Variants in PITPNM3 observed in about 807,000 individuals in gnomAD.
The protein encoded by PITPNM3 is membrane-associated phosphatidylinositol transfer protein 3.
Under a neutral mutation model 102.0 loss-of-function variants are expected in PITPNM3, and 26 were observed. The ratio of observed to expected loss-of-function variants is 0.25; its 90% CI spans 0.19 to 0.35. The LOEUF is 0.35. Ranked by LOEUF, PITPNM3 falls within the 10% of genes least tolerant of loss-of-function variation. The pLI is 1.00. For synonymous variants in PITPNM3, 578 were observed against 558.6 expected (o/e 1.03, Z -0.49); for missense variants, 1,083 against 1,346.1 (o/e 0.80, Z 3.06).
chr17:6,507,960 G>C (rs1395171574), intron 3 of PITPNM3, among the ~76,000 whole-genome samples: 1 of 150,536 alleles, frequency 6.6e-6, no homozygotes, highest in Non-Finnish European at 1.5e-5. Flanking sequence ...GCAAGGATGA[G>C]AGCTGGGGTT....
chr17:6,478,229 C>T lies in PITPNM3; in HGVS notation c.778-132G>A, dbSNP rs1319724946. 2.1e-6 allele frequency: 3 copies of T among 1,463,342 alleles called. No homozygotes were observed. The highest frequency in any genetic ancestry group is 2.8e-6 in the Non-Finnish European group (3 of 1,081,758). 90.6% of individuals were successfully genotyped at this position (1,463,342 alleles called of 1,614,324 possible). ...CTTGGGAGGTGTTGAGAGAGCCCAA[C>T]TGGGAAGCAGTGTGCAAACTGGGGA... On this transcript the variant is annotated intron_variant, in intron 7 of 19. Coordinates refer to ENST00000262483, the MANE Select transcript of PITPNM3 (RefSeq NM_031220.4). This position sits in a 1 kb window ranked among gnomAD's most constrained non-coding sequence, Gnocchi z 4.4.
chr17:6,479,350 T>G (rs1905522816), intron 6 of PITPNM3: 1 of 153,494 alleles, frequency 6.5e-6, no homozygotes, highest in African/African-American at 2.4e-5. Flanking sequence ...CCCCACAGTG[T>G]CCAGCCAGCA....
chr17:6,452,947 TCTCTCTCTCTTC>T lies in PITPNM3; in HGVS notation c.*2379_*2390del, dbSNP rs1357839142. 7 of 150,088 alleles carry T rather than the reference TCTCTCTCTCTTC, an allele frequency of 4.7e-5. No homozygotes were observed. The highest frequency in any genetic ancestry group is 1.7e-4 in the African/African-American group (7 of 41,100). 9.3% of individuals were successfully genotyped at this position (150,088 alleles called of 1,614,324 possible). A position where few individuals can be genotyped will look rare whatever the true frequency, so the allele number is the denominator to read the frequency against. The stretch of plus-strand genomic sequence containing the variant: ...CCCAGGGATCCTGGCTCATGAGCTC[TCTCTCTCTCTTC>T]CTCTCTCTCTCTCTCTTCCTCTCTC... On this transcript the variant is annotated 3_prime_UTR_variant, in exon 20 of 20. Transcript: ENST00000262483.
intron 6 of PITPNM3, 115 bp downstream of exon 6, chr17:6,483,402 C>A (rs1050091933): frequency 1.8e-5 from 18 of 999,550 alleles, no homozygotes; most frequent in Non-Finnish European, 1.9e-5. Context: ...ATCTGACACC[C>A]CAGAGAGTCC....
Position 6,477,088 on chromosome 17 carries a change from C to G in PITPNM3, c.1026G>C (p.Gln342His). ...EEPKRPLPRK[Q>H]SDSSTYDCEA... The stretch of plus-strand genomic sequence containing the variant: ...CGCAGTCATAGGTGGAGGAGTCGCT[C>G]TGTTTCCGCGGCAACGGCCTCTTGG... The change falls in exon 9 of 20, where the codon CAG becomes CAC. Residue 342 changes from glutamine (Q) to histidine (H), a missense_variant. Gln to His is a conservative substitution (Grantham distance 24, BLOSUM62 0). Coordinates refer to ENST00000262483, the MANE Select transcript of PITPNM3 (RefSeq NM_031220.4). 1 of 1,614,064 alleles carries G rather than the reference C, an allele frequency of 6.2e-7. No individual in the cohort carries two copies. The highest frequency in any genetic ancestry group is 8.5e-7 in the Non-Finnish European group (1 of 1,179,990).
chr17:6,490,198 C>T (rs1025724364), intron 4 of PITPNM3, among the ~76,000 whole-genome samples: 1 of 152,050 alleles, frequency 6.6e-6, no homozygotes, highest in African/African-American at 2.4e-5. Context: ...CCCCCATTCC[C>T]CAGGTGAGCC....
intron 3 of PITPNM3, among the ~76,000 whole-genome samples, chr17:6,524,050 C>T (rs922659273): frequency 2.0e-5 from 3 of 152,188 alleles, no homozygotes; most frequent in African/African-American, 7.2e-5. Context: ...ATGGGATGAC[C>T]ACACCAGGCC....
intron 1 of PITPNM3, among the ~76,000 whole-genome samples, chr17:6,545,903 A>G (rs1909997613): frequency 6.6e-6 from 1 of 152,190 alleles, no homozygotes; most frequent in Non-Finnish European, 1.5e-5. Flanking sequence ...ATCCTGTGCC[A>G]GGTCAGGGCT....
chr17:6,508,050 C>T (rs9675055), intron 3 of PITPNM3, among the ~76,000 whole-genome samples: 116,637 of 150,228 alleles, frequency 0.78, 45,729 homozygotes, highest in African/African-American at 0.89. Flanking sequence ...GCTGGGGTTG[C>T]TGGGGTTGCT....
At chr17:6,477,915 G>T (rs1394934708) in intron 8 of PITPNM3, 60 bp downstream of exon 8, 3 of 1,602,404 alleles carry the variant, frequency 1.9e-6, no homozygotes, top group Non-Finnish European at 2.5e-6. Context: ...CTCTCTCCCC[G>T]AGGGGCAGGC....
intron 18 of PITPNM3, chr17:6,460,724 G>A (rs1168570239): frequency 2.6e-5 from 4 of 153,488 alleles, no homozygotes; most frequent in Non-Finnish European, 5.8e-5. Context: ...TGTGGGCTGG[G>A]TTTGGTCATT....
intron 2 of PITPNM3, among the ~76,000 whole-genome samples, chr17:6,533,070 C>G (rs1038737763): frequency 1.3e-5 from 2 of 152,112 alleles, no homozygotes; most frequent in Non-Finnish European, 2.9e-5. Context: ...TCAAATTATT[C>G]TCCTGCCTCA....
chr17:6,544,654 T>TCTCTCACACACACA (rs376230474), intron 1 of PITPNM3, among the ~76,000 whole-genome samples: 137 of 130,266 alleles, frequency 1.1e-3, no homozygotes, highest in African/African-American at 3.7e-3. Context: ...TCTCTCTCTC[T>TCTCTCACACACACA]CACACACACA....
At chr17:6,555,238 C>G (rs1910538877) in intron 1 of PITPNM3, among the ~76,000 whole-genome samples, 1 of 152,206 alleles carries the variant, frequency 6.6e-6, no homozygotes, top group African/African-American at 2.4e-5. Flanking sequence ...TCCTTGGGGA[C>G]AGAACGGGAG....
In PITPNM3 at chr17:6,478,744, C is replaced by A; in HGVS notation, c.588-8G>T. 6.4e-7 allele frequency: 1 copy of A among 1,558,110 alleles called. No homozygotes were observed. Among genetic ancestry groups the A allele is most frequent in the Non-Finnish European group, 8.7e-7 (1 of 1,152,278 alleles). ...TGGCTGTAGGGGTTCAGGCTGCAGA[C>A]AGGGGGCCCAAGGTGAGCCCAGCCA... On this transcript the variant is annotated splice_region_variant and splice_polypyrimidine_tract_variant and intron_variant, in intron 6 of 19. Coordinates refer to ENST00000262483, the MANE Select transcript of PITPNM3 (RefSeq NM_031220.4). The surrounding 1 kb of genome is among the most constrained non-coding windows in gnomAD (Gnocchi z 4.4).
At chr17:6,500,599 C>A (rs936463822) in intron 4 of PITPNM3, among the ~76,000 whole-genome samples, 2 of 152,168 alleles carry the variant, frequency 1.3e-5, no homozygotes, top group Admixed American at 6.5e-5. Context: ...GCATCCCCAA[C>A]CTAGACAACC....
In PITPNM3 at chr17:6,457,634, A is replaced by G. The variant is rs374323008; in HGVS notation, c.2579T>C (p.Ile860Thr). The G allele has an allele frequency of 3.4e-5, 55 of 1,612,514 alleles. No individual in the cohort carries two copies. Among genetic ancestry groups the G allele is most frequent in the Admixed American group, 6.7e-5 (4 of 59,918 alleles). ...VLGLPASQIF[I>T]VGRPTKKYQT... ...GTACTTCTTGGTGGGCCGGCCCACA[A>G]TGAAGATCTGGGAGGCAGGCAGGCC... Residue 860 changes from isoleucine to threonine, a missense_variant, in exon 19 of 20, where the codon ATT (isoleucine) becomes ACT (threonine). Ile to Thr is a moderately conservative substitution (Grantham distance 89, BLOSUM62 -1). Transcript: ENST00000262483. This position sits in a 1 kb window ranked among gnomAD's most constrained non-coding sequence, Gnocchi z 4.7.
chr17:6,521,883 C>A (rs1175050349), intron 3 of PITPNM3, among the ~76,000 whole-genome samples: 1 of 152,144 alleles, frequency 6.6e-6, no homozygotes, highest in East Asian at 1.9e-4. Context: ...GATGTGGCAC[C>A]CACTTTATAG....
At chr17:6,539,591 C>T (rs1256713642) in intron 1 of PITPNM3, among the ~76,000 whole-genome samples, 2 of 151,928 alleles carry the variant, frequency 1.3e-5, no homozygotes, top group African/African-American at 4.8e-5. Flanking sequence ...ATGATAACGC[C>T]CTTTAAAATA....
Sources: allele counts gnomAD v4.1 joint callset (sites outside exome capture counted in the v4.1 genomes callset), GRCh38; gene constraint gnomAD v4.1.1; non-coding constraint Gnocchi (gnomAD v3.1); transcripts MANE v1.5; gene names NCBI Gene and HGNC (gene_info 2026-07-23, HGNC 2026-07-21).